Variants in BTBD16 observed in about 807,000 individuals in gnomAD.
The protein encoded by BTBD16 is BTB domain containing 16, also known as BTB/POZ domain-containing protein 16.
Under a neutral mutation model 67.4 loss-of-function variants are expected in BTBD16, and 66 were observed. The observed-to-expected ratio is 0.98, with a 90% confidence interval of 0.80 to 1.20. The LOEUF (loss-of-function observed/expected upper bound fraction) is 1.20. BTBD16 is among the 50% of genes most tolerant of loss of function. The pLI is 0.00. For missense variants in BTBD16, 634 were observed against 616.0 expected, an observed-to-expected ratio of 1.03 and a Z score of -0.31; for synonymous variants, 242 against 236.4, an observed-to-expected ratio of 1.02 and a Z score of -0.22.
chr10:122,329,584 C>G lies in BTBD16; in HGVS notation c.1003+13C>G, dbSNP rs1259531558. ...GGCATCACCAAAGGTAAGCCCCAGTCCAGGCGAGCGCATCCACGGGAAAGC... is the reference window on the plus strand; with the variant it reads ...GGCATCACCAAAGGTAAGCCCCAGTGCAGGCGAGCGCATCCACGGGAAAGC... On this transcript the variant is annotated intron_variant, in intron 11 of 15. Transcript: ENST00000260723. The G allele has an allele frequency of 2.5e-6, 4 of 1,611,322 alleles. No individual in the cohort carries two copies. The Admixed American group carries it at 6.7e-5, about 27-fold the overall frequency.
At chr10:122,317,776 C>G (rs2096428510) in intron 10 of BTBD16, among the ~76,000 whole-genome samples, 1 of 152,212 alleles carries the variant, frequency 6.6e-6, no homozygotes, top group African/African-American at 2.4e-5. Flanking sequence ...CACATCTTGT[C>G]CCACTGGAAG....
chr10:122,279,501 GAGAA>G (rs1289448010), intron 3 of BTBD16, among the ~76,000 whole-genome samples: 1 of 58,066 alleles, frequency 1.7e-5, no homozygotes, highest in Non-Finnish European at 3.5e-5. Context: ...AAAAGAGACA[GAGAA>G]AGAGAAACAC....
chr10:122,276,735 G>A (rs1443698332), intron 2 of BTBD16, 56 bp from the exon 3 acceptor site: 2 of 1,586,700 alleles, frequency 1.3e-6, no homozygotes, highest in Admixed American at 1.8e-5. Context: ...GGAAAATCTG[G>A]CATTTATGTG....
intron 7 of BTBD16, 31 bp from the exon 8 acceptor site, chr10:122,297,737 T>A: frequency 6.2e-7 from 1 of 1,612,542 alleles, no homozygotes; most frequent in Non-Finnish European, 8.5e-7. Context: ...AGTGTGGGGT[T>A]CCTCCAGAAA....
At chr10:122,299,270 G>A in intron 9 of BTBD16, 136 bp downstream of exon 9, 1 of 1,120,282 alleles carries the variant, frequency 8.9e-7, no homozygotes, top group South Asian at 1.7e-5. Context: ...GCTGAGCCTT[G>A]GCTGGGGCTG....
At chr10:122,304,664 CCT>C (rs1282013314) in intron 9 of BTBD16, among the ~76,000 whole-genome samples, 4 of 151,312 alleles carry the variant, frequency 2.6e-5, no homozygotes, top group African/African-American at 9.7e-5. Context: ...ACGCCATTCT[CCT>C]GCCTCAGCCT....
At chr10:122,328,984 G>C (rs1172405573) in intron 10 of BTBD16, among the ~76,000 whole-genome samples, 1 of 152,142 alleles carries the variant, frequency 6.6e-6, no homozygotes. Flanking sequence ...CACTTTTGCA[G>C]CGCCTAATTT....
chr10:122,297,770 G>A lies in BTBD16; in HGVS notation c.593G>A (p.Cys198Tyr), dbSNP rs926701588. The change falls in exon 8 of 16, where the codon TGC becomes TAC. Residue 198 changes from cysteine (C) to tyrosine (Y), a missense_variant and splice_region_variant. Cys to Tyr is a radical substitution (Grantham distance 194). Transcript: ENST00000260723. ...ILQFSGLFQR[C>Y]VDVMIARLKP... ...AAACTGCAGTTCTCTCTCTCCAGGT[G>A]CGTGGATGTGATGATAGCCAGACTC... is the stretch of plus-strand genomic sequence containing the variant. 6.2e-7 allele frequency: 1 copy of A among 1,614,176 alleles called. No homozygotes were observed. The highest frequency in any genetic ancestry group is 8.5e-7 in the Non-Finnish European group (1 of 1,180,008).
chr10:122,334,196 T>TTTTTA (rs550509641), intron 13 of BTBD16, among the ~76,000 whole-genome samples: 11 of 54,578 alleles, frequency 2.0e-4, no homozygotes, highest in African/African-American at 8.6e-4. Flanking sequence ...CCTCTTGACT[T>TTTTTA]TTTTTTTTTT....
chr10:122,337,620 A>T (rs769851009), intron 15 of BTBD16, among the ~76,000 whole-genome samples: 45 of 152,162 alleles, frequency 3.0e-4, no homozygotes, highest in Admixed American at 9.2e-4. Flanking sequence ...GCCTGACACC[A>T]CACCCGGCTA....
At chr10:122,325,511 T>C (rs1204910285) in intron 10 of BTBD16, among the ~76,000 whole-genome samples, 2 of 152,218 alleles carry the variant, frequency 1.3e-5, no homozygotes, top group East Asian at 3.9e-4. Flanking sequence ...AGGTCAGCCC[T>C]GACTCAAAGA....
intron 10 of BTBD16, among the ~76,000 whole-genome samples, chr10:122,326,779 C>T (rs1397709550): frequency 6.6e-6 from 1 of 152,158 alleles, no homozygotes; most frequent in Non-Finnish European, 1.5e-5. Flanking sequence ...CTAGAGGGGT[C>T]ATGCCCCAGG....
At chr10:122,319,510 A>C (rs2096432005) in intron 10 of BTBD16, among the ~76,000 whole-genome samples, 1 of 152,140 alleles carries the variant, frequency 6.6e-6, no homozygotes, top group Non-Finnish European at 1.5e-5. Context: ...TGCTTTTGGC[A>C]CCGTTGTCAA....
Position 122,286,300 on chromosome 10 carries a change from C to T in BTBD16, c.385+52C>T, listed in dbSNP as rs148745886. 1.7e-3 allele frequency: 2,683 copies of T among 1,548,400 alleles called. 35 individuals carry two copies. The African/African-American group carries it at 0.031, about 18-fold the overall frequency. ...GGAGCCCCAGTGCCCTCTAGCTTGA[C>T]GGTCCCAGCTTGGAACATGGTTATC... On this transcript the variant is annotated intron_variant, in intron 5 of 15. Transcript: ENST00000260723.
chr10:122,331,574 C>T (rs1373187463), intron 12 of BTBD16, among the ~76,000 whole-genome samples: 2 of 152,206 alleles, frequency 1.3e-5, no homozygotes, highest in Non-Finnish European at 2.9e-5. Flanking sequence ...CCCTCAGCAA[C>T]ATAGGGCATT....
chr10:122,288,252 A>G (rs568085961), intron 5 of BTBD16, among the ~76,000 whole-genome samples: 9 of 152,318 alleles, frequency 5.9e-5, no homozygotes, highest in African/African-American at 2.2e-4. Flanking sequence ...CACGGGGTGG[A>G]TGGCAGGCTG....
intron 7 of BTBD16, chr10:122,294,036 T>G (rs1277777247): frequency 5.2e-6 from 4 of 772,102 alleles, no homozygotes; most frequent in Non-Finnish European, 6.3e-6. Flanking sequence ...GAGCCAAACC[T>G]TTCATTCCAC....
intron 10 of BTBD16, among the ~76,000 whole-genome samples, chr10:122,326,536 G>T (rs554277427): frequency 1.3e-5 from 2 of 152,182 alleles, no homozygotes; most frequent in African/African-American, 4.8e-5. Flanking sequence ...AGAGCTGTGG[G>T]CCTGATACTC....
chr10:122,326,054 A>G (rs1407066832), intron 10 of BTBD16, among the ~76,000 whole-genome samples: 9 of 151,422 alleles, frequency 5.9e-5, no homozygotes, highest in Middle Eastern at 3.2e-3. Flanking sequence ...AAAAAAAGCC[A>G]TTTTCTCTTC....
Sources: gnomAD v4.1 joint callset for allele counts (sites outside exome capture counted in the v4.1 genomes callset) on GRCh38, gnomAD v4.1.1 for gene constraint, MANE v1.5 for transcripts, NCBI Gene and HGNC (gene_info 2026-07-23, HGNC 2026-07-21) for gene names.